Variants in MAST4 observed in about 807,000 individuals in gnomAD.
MAST4 encodes microtubule associated serine/threonine kinase family member 4, also known as microtubule-associated serine/threonine-protein kinase 4.
Under a neutral mutation model 162.7 loss-of-function variants are expected in MAST4, and 89 were observed. The ratio of observed to expected loss-of-function variants is 0.55; its 90% CI spans 0.46 to 0.65. MAST4 has a LOEUF of 0.65. MAST4 is among the 30% of genes least tolerant of loss of function. The pLI, the probability that MAST4 is intolerant of heterozygous loss-of-function variation, is 0.00. For missense variants in MAST4, 3,153 were observed against 3,374.0 expected (o/e 0.93, Z 1.62); for synonymous variants, 1,479 against 1,361.1 (o/e 1.09, Z -1.91).
intron 1 of MAST4, among the ~76,000 whole-genome samples, chr5:66,696,548 C>A (rs1749414384): frequency 6.6e-6 from 1 of 152,014 alleles, no homozygotes; most frequent in Admixed American, 6.6e-5. Context: ...ATGGTCAAGT[C>A]AACATTCTGA....
chr5:67,136,827 T>C (rs1172015759), intron 19 of MAST4, among the ~76,000 whole-genome samples, 163 bp downstream of exon 19: 2 of 152,238 alleles, frequency 1.3e-5, no homozygotes, highest in African/African-American at 4.8e-5. Flanking sequence ...TTGGATTTTG[T>C]TTTCTGATTC....
Position 67,164,531 on chromosome 5 carries a change from C to T in MAST4, c.5352C>T (p.Ser1784=). ...LVAPESPVRK[S]PSEYKLEGRS... ...CTCCTGAGTCCCCTGTTAGGAAGAG[C>T]CCCTCCGAGTATAAGCTGGAAGGTA... The change falls in exon 29 of 29, where the codon AGC becomes AGT. Residue 1784 remains serine (S), a synonymous_variant. Coordinates refer to ENST00000403625, the MANE Select transcript of MAST4 (RefSeq NM_001164664.2). This position sits in a 1 kb window ranked among gnomAD's most constrained non-coding sequence, Gnocchi z 5.3. 1.2e-6 allele frequency: 2 copies of T among 1,613,990 alleles called. No individual in the cohort carries two copies. Among genetic ancestry groups the T allele is most frequent in the Non-Finnish European group, 8.5e-7 (1 of 1,179,882 alleles).
In MAST4 at chr5:67,165,817, C is replaced by G; in HGVS notation, c.6638C>G (p.Ser2213Cys). The G allele has an allele frequency of 6.2e-7, 1 of 1,612,740 alleles. No individual in the cohort carries two copies. The highest frequency in any genetic ancestry group is 8.5e-7 in the Non-Finnish European group (1 of 1,179,700). Residue 2213 changes from serine to cysteine, a missense_variant, in exon 29 of 29, where the codon TCC (serine) becomes TGC (cysteine). Coordinates refer to ENST00000403625, the MANE Select transcript of MAST4 (RefSeq NM_001164664.2). ...ACTAAGCACCCCGACCGGTCCCTCT[C>G]CTCTCAGAAACCAAGTGTCGGGGCC... Reference protein sequence around the residue: ...PKTKHPDRSLSSQKPSVGATK... With the variant: ...PKTKHPDRSLCSQKPSVGATK...
chr5:66,682,991 C>G (rs187015615), intron 1 of MAST4, among the ~76,000 whole-genome samples: 55 of 152,276 alleles, frequency 3.6e-4, no homozygotes, highest in Admixed American at 2.1e-3. Context: ...GAATAAAGGG[C>G]AGGCGAAGGG....
intron 4 of MAST4, among the ~76,000 whole-genome samples, chr5:66,980,657 A>C (rs1392586501): frequency 6.6e-6 from 1 of 152,238 alleles, no homozygotes; most frequent in Non-Finnish European, 1.5e-5. Flanking sequence ...GAAGGTTGTA[A>C]GTTCTGTGTT....
At chr5:66,997,573 AG>A (rs1750810162) in intron 4 of MAST4, among the ~76,000 whole-genome samples, 2 of 151,924 alleles carry the variant, frequency 1.3e-5, no homozygotes, top group South Asian at 4.1e-4. Context: ...CTGGGATTAC[AG>A]GCACCTGCCA....
At chr5:66,597,085 C>A in intron 1 of MAST4, 67 bp downstream of exon 1, 1 of 1,333,382 alleles carries the variant, frequency 7.5e-7, no homozygotes, top group South Asian at 2.0e-5. Flanking sequence ...TCCCATCCTG[C>A]GCACAGGCAG....
chr5:66,944,863 TC>T (rs1743833841), intron 4 of MAST4, among the ~76,000 whole-genome samples: 1 of 152,118 alleles, frequency 6.6e-6, no homozygotes, highest in African/African-American at 2.4e-5. Flanking sequence ...CTCTGATGCT[TC>T]CCCTTCTTTT....
intron 1 of MAST4, among the ~76,000 whole-genome samples, chr5:66,691,529 T>A: frequency 6.6e-6 from 1 of 152,258 alleles, no homozygotes; most frequent in South Asian, 2.1e-4. Flanking sequence ...ATAGACTGGG[T>A]GACTTATAAA....
Position 66,899,968 on chromosome 5 carries a change from C to T in MAST4, c.660C>T (p.Pro220=). 1 of 1,519,956 alleles carries T rather than the reference C, an allele frequency of 6.6e-7. No homozygotes were observed. Among genetic ancestry groups the T allele is most frequent in the South Asian group, 1.3e-5 (1 of 77,048 alleles). 94.2% of individuals were successfully genotyped at this position (1,519,956 alleles called of 1,614,324 possible). A position where few individuals can be genotyped will look rare whatever the true frequency, so the allele number is the denominator to read the frequency against. ...TTTTGCAGAAGGAGCTGAGTCTCCC[C>T]AGAAGAGGAAGTTTGTAAGTAGTAG... The part of the protein sequence containing the change: ...LTASLKELSL[P]RRGSFCRTSN... Residue 220 remains proline, a synonymous_variant, in exon 4 of 29, where the codon CCC becomes CCT. Coordinates refer to ENST00000403625, the MANE Select transcript of MAST4 (RefSeq NM_001164664.2).
chr5:66,700,962 A>G (rs201921258), intron 1 of MAST4, among the ~76,000 whole-genome samples: 2 of 65,940 alleles, frequency 3.0e-5, no homozygotes, highest in Non-Finnish European at 5.3e-5. Context: ...ATTATTTAAG[A>G]CTGTTTGCAA....
At chr5:67,030,568 G>A (rs1755185798) in intron 4 of MAST4, among the ~76,000 whole-genome samples, 1 of 152,136 alleles carries the variant, frequency 6.6e-6, no homozygotes, top group African/African-American at 2.4e-5. Context: ...AAATTGGTCA[G>A]AGTCCTAAGG....
chr5:66,815,541 G>C (rs1756676495), intron 3 of MAST4, among the ~76,000 whole-genome samples: 1 of 152,156 alleles, frequency 6.6e-6, no homozygotes, highest in Non-Finnish European at 1.5e-5. Context: ...GCATTCACCA[G>C]GCATCCTGGA....
At chr5:66,990,600 C>G (rs901679567) in intron 4 of MAST4, among the ~76,000 whole-genome samples, 19 of 152,186 alleles carry the variant, frequency 1.2e-4, no homozygotes, top group Admixed American at 3.3e-4. Context: ...GATCATGCCA[C>G]TGCACTCCAG....
At chr5:67,066,201 A>G (rs541826264) in intron 5 of MAST4, among the ~76,000 whole-genome samples, 1 of 152,288 alleles carries the variant, frequency 6.6e-6, no homozygotes, top group Admixed American at 6.5e-5. Flanking sequence ...TATTCAGTGT[A>G]GAAAACTTGG....
chr5:67,055,415 G>A (rs543523399), intron 5 of MAST4, among the ~76,000 whole-genome samples: 1 of 152,310 alleles, frequency 6.6e-6, no homozygotes, highest in African/African-American at 2.4e-5. Context: ...ATACTCATGT[G>A]TTCTCAGATG....
At chr5:66,982,224 T>G (rs1479804739) in intron 4 of MAST4, among the ~76,000 whole-genome samples, 1 of 152,192 alleles carries the variant, frequency 6.6e-6, no homozygotes, top group Non-Finnish European at 1.5e-5. Flanking sequence ...TTTTACATCA[T>G]CGGCCTTATC....
Position 67,163,972 on chromosome 5 carries a change from C to T in MAST4, c.4793C>T (p.Pro1598Leu), listed in dbSNP as rs1306594865. 10 of 1,609,256 alleles carry T rather than the reference C, an allele frequency of 6.2e-6. 1 individual carries two copies. In the South Asian group the frequency reaches 8.9e-5, roughly 14 times the overall value. The stretch of plus-strand genomic sequence containing the variant: ...AAAGCGTCTATGCAGGAGGCGCCAC[C>T]GCTGGGCAGCCTGCTGAAGGATGCT... ...ENKASMQEAPPLGSLLKDALH... is the reference protein window; with the variant it reads ...ENKASMQEAPLLGSLLKDALH... The change falls in exon 29 of 29, where the codon CCG becomes CTG. Residue 1598 changes from proline (P) to leucine (L), a missense_variant. Coordinates refer to ENST00000403625, the MANE Select transcript of MAST4 (RefSeq NM_001164664.2). This position sits in a 1 kb window ranked among gnomAD's most constrained non-coding sequence, Gnocchi z 7.0.
In MAST4 at chr5:67,104,592, A is replaced by G. The variant is rs1765384592; in HGVS notation, c.1356+17A>G. 4.4e-6 allele frequency: 7 copies of G among 1,597,994 alleles called. No individual in the cohort carries two copies. The highest frequency in any genetic ancestry group is 3.4e-5 in the South Asian group (3 of 89,348). ...CTACAGGAGGTAAGAACCATGTACC[A>G]TATAGTTTTCTGATTTATTTTGCTT... is the stretch of plus-strand genomic sequence containing the variant. On this transcript the variant is annotated intron_variant, in intron 10 of 28. Coordinates refer to ENST00000403625, the MANE Select transcript of MAST4 (RefSeq NM_001164664.2).
Sources: gnomAD v4.1 joint callset for allele counts (sites outside exome capture counted in the v4.1 genomes callset) on GRCh38, gnomAD v4.1.1 for gene constraint, Gnocchi (gnomAD v3.1) non-coding constraint, MANE v1.5 for transcripts, NCBI Gene and HGNC (gene_info 2026-07-23, HGNC 2026-07-21) for gene names.